Variants in L3MBTL4 observed in about 807,000 individuals in gnomAD.
L3MBTL4 encodes the protein lethal(3)malignant brain tumor-like protein 4.
Under a neutral mutation model 84.5 loss-of-function variants are expected in L3MBTL4, and 70 were observed. That is an observed-to-expected ratio of 0.83 (90% CI 0.68 to 1.01). The LOEUF is 1.01. Ranked by LOEUF, L3MBTL4 falls within the 50% of genes least tolerant of loss-of-function variation. L3MBTL4 has a pLI of 0.00. For missense variants in L3MBTL4, 715 were observed against 754.8 expected (o/e 0.95, Z 0.62); for synonymous variants, 274 against 259.8 (o/e 1.05, Z -0.52).
intron 1 of L3MBTL4, among the ~76,000 whole-genome samples, chr18:6,407,037 C>T (rs2055765819): frequency 6.6e-6 from 1 of 152,204 alleles, no homozygotes; most frequent in South Asian, 2.1e-4. Context: ...TCACAGCTTC[C>T]TTTCTTTGTT....
At chr18:6,066,542 G>C (rs2057403931) in intron 16 of L3MBTL4, among the ~76,000 whole-genome samples, 1 of 152,036 alleles carries the variant, frequency 6.6e-6, no homozygotes, top group Non-Finnish European at 1.5e-5. Context: ...TCTAGGGTTA[G>C]GTGCATATAA....
intron 1 of L3MBTL4, among the ~76,000 whole-genome samples, chr18:6,327,218 T>C (rs1385773841): frequency 6.6e-6 from 1 of 152,148 alleles, no homozygotes; most frequent in African/African-American, 2.4e-5. Context: ...CTTGGGAATA[T>C]CTAACAAAGC....
chr18:6,110,427 G>T (rs1260418918), intron 14 of L3MBTL4, among the ~76,000 whole-genome samples: 1 of 151,954 alleles, frequency 6.6e-6, no homozygotes, highest in Non-Finnish European at 1.5e-5. Flanking sequence ...ATATGTGTGT[G>T]TATCCACATG....
chr18:6,263,237 C>A (rs1237487095), intron 5 of L3MBTL4, among the ~76,000 whole-genome samples: 1 of 150,530 alleles, frequency 6.6e-6, no homozygotes, highest in East Asian at 2.0e-4. Flanking sequence ...CCACTACACT[C>A]CAGCCTGGCG....
At chr18:6,021,586 TCC>T (rs1225649838) in intron 16 of L3MBTL4, among the ~76,000 whole-genome samples, 1 of 152,154 alleles carries the variant, frequency 6.6e-6, no homozygotes, top group African/African-American at 2.4e-5. Context: ...TTTGCGGCCC[TCC>T]CTGCATGGAA....
At chr18:6,244,433 T>C in intron 6 of L3MBTL4, 51 bp downstream of exon 6, 1 of 1,136,152 alleles carries the variant, frequency 8.8e-7, no homozygotes. Context: ...TCTAGAAAAT[T>C]ATCTTTCTGT....
At chr18:6,071,811 G>GAA (rs879762677) in intron 16 of L3MBTL4, among the ~76,000 whole-genome samples, 32 of 134,456 alleles carry the variant, frequency 2.4e-4, no homozygotes, top group Admixed American at 3.6e-4. Flanking sequence ...GAAAAAGAAA[G>GAA]AAAGGAAAGA....
chr18:5,969,293 G>A (rs511627), intron 17 of L3MBTL4, 100 bp downstream of exon 17: 3 of 1,310,710 alleles, frequency 2.3e-6, no homozygotes, highest in Admixed American at 1.8e-5. Context: ...AGAGAAAAAG[G>A]GCGCTGTCCC....
At chr18:6,019,136 G>A (rs760253006) in intron 16 of L3MBTL4, among the ~76,000 whole-genome samples, 5 of 152,064 alleles carry the variant, frequency 3.3e-5, no homozygotes, top group Admixed American at 6.5e-5. Context: ...GCTGCTTCAC[G>A]GACAGTCACA....
intron 1 of L3MBTL4, among the ~76,000 whole-genome samples, chr18:6,335,942 T>C (rs1283535225): frequency 6.6e-6 from 1 of 152,226 alleles, no homozygotes; most frequent in Non-Finnish European, 1.5e-5. Flanking sequence ...AACGGACTAA[T>C]ACAAGCTGTA....
chr18:6,255,231 C>T (rs912499714), intron 5 of L3MBTL4, among the ~76,000 whole-genome samples: 26 of 152,190 alleles, frequency 1.7e-4, no homozygotes, highest in Non-Finnish European at 4.4e-5. Flanking sequence ...TTAATTCCTC[C>T]TCCTTCTGAA....
intron 16 of L3MBTL4, among the ~76,000 whole-genome samples, chr18:6,028,299 C>A (rs1483892350): frequency 1.3e-5 from 2 of 152,122 alleles, no homozygotes; most frequent in Non-Finnish European, 2.9e-5. Flanking sequence ...ATAGGGAATC[C>A]TTTCCCATTG....
In L3MBTL4 at chr18:6,132,510, C is replaced by T. The variant is rs545095642; in HGVS notation, c.1199+5684G>A. Among the ~76,000 whole-genome samples, 26 of 152,320 alleles carry T rather than the reference C, an allele frequency of 1.7e-4. No homozygotes were observed. In the South Asian group the frequency reaches 5.4e-3, roughly 32 times the overall value. On this transcript the variant is annotated intron_variant, in intron 14 of 18. Transcript: ENST00000317931. ...CCTGGAGACAGGATCGCTTCTCAGGCCTGCTGTCTCCCTAAAAATGCCCCA... is the reference window on the plus strand; with the variant it reads ...CCTGGAGACAGGATCGCTTCTCAGGTCTGCTGTCTCCCTAAAAATGCCCCA...
chr18:6,317,184 T>C (rs1241608199), intron 1 of L3MBTL4, among the ~76,000 whole-genome samples: 3 of 151,934 alleles, frequency 2.0e-5, no homozygotes, highest in Admixed American at 6.6e-5. Context: ...AAGGAACCCA[T>C]ACAAATTACT....
At chr18:6,203,190 G>A (rs74718905) in intron 12 of L3MBTL4, among the ~76,000 whole-genome samples, 3,217 of 152,198 alleles carry the variant, frequency 0.021, 111 homozygotes, top group African/African-American at 0.074. Context: ...CAATGAGGTC[G>A]AAGAAAACAA....
At chr18:6,244,612 T>C in intron 5 of L3MBTL4, 24 bp from the exon 6 acceptor site, 1 of 1,465,704 alleles carries the variant, frequency 6.8e-7, no homozygotes, top group East Asian at 2.3e-5. Context: ...CGACATAACA[T>C]TAGCCACTGA....
At chr18:6,161,820 C>T (rs2043352710) in intron 13 of L3MBTL4, among the ~76,000 whole-genome samples, 1 of 152,092 alleles carries the variant, frequency 6.6e-6, no homozygotes, top group African/African-American at 2.4e-5. Flanking sequence ...CATTTTTACT[C>T]ATCCATGGGC....
chr18:6,360,783 A>C (rs1428421488), intron 1 of L3MBTL4, among the ~76,000 whole-genome samples: 2 of 152,180 alleles, frequency 1.3e-5, no homozygotes, highest in African/African-American at 4.8e-5. Context: ...TGAGGCCAGG[A>C]GTTCAAGACC....
In L3MBTL4 at chr18:6,227,683, A is replaced by G. The variant is rs563760188; in HGVS notation, c.784+10281T>C. 2.2e-3 allele frequency among the ~76,000 whole-genome samples: 334 copies of G among 152,318 alleles called. 1 individual carries two copies. Among genetic ancestry groups the G allele is most frequent in the African/African-American group, 7.8e-3 (323 of 41,574 alleles). ...AAATTAAGAAAAGAAAACTCCAGAC[A>G]AATATCCTTCACAAATATGGGTGTT... On this transcript the variant is annotated intron_variant, in intron 10 of 18. Coordinates refer to ENST00000317931, the MANE Select transcript of L3MBTL4 (RefSeq NM_001330559.2).
Sources: allele counts gnomAD v4.1 joint callset (sites outside exome capture counted in the v4.1 genomes callset), GRCh38; gene constraint gnomAD v4.1.1; transcripts MANE v1.5; gene names NCBI Gene and HGNC (gene_info 2026-07-23, HGNC 2026-07-21).